Variants in LRP1B observed in about 807,000 individuals in gnomAD.
The protein encoded by LRP1B is LDL receptor related protein 1B.
LRP1B carries 217 observed loss-of-function variants against 556.6 expected under a neutral mutation model. The observed-to-expected ratio is 0.39, with a 90% CI of 0.35 to 0.44. The LOEUF (loss-of-function observed/expected upper bound fraction) is 0.44, where lower values mean the gene tolerates loss of function less well. Among genes scored for constraint, LRP1B ranks in the 20% least tolerant of loss-of-function variants. The pLI is 1.00. For missense variants in LRP1B, 5,053 were observed against 5,620.8 expected, an observed-to-expected ratio of 0.90 and a Z score of 3.23; for synonymous variants, 2,047 against 1,865.8, an observed-to-expected ratio of 1.10 and a Z score of -2.50.
chr2:140,426,003 T>C lies in LRP1B; in HGVS notation c.10414+16501A>G, dbSNP rs745782170. Among the ~76,000 whole-genome samples, 14 of 152,152 alleles carry C rather than the reference T, an allele frequency of 9.2e-5. No homozygotes were observed. The South Asian group carries it at 1.5e-3, about 16-fold the overall frequency. On this transcript the variant is annotated intron_variant, in intron 66 of 90. Transcript: ENST00000389484. ...TAATTTGTTAAATAAAGAAATTTTA[T>C]AAAAATTCAAAATCAGTTTAATTAT... is the stretch of plus-strand genomic sequence containing the variant.
At position 141,208,876 on chromosome 2, in the gene LRP1B, C is replaced by CAA. The variant is rs57659094; in HGVS notation, c.851-20295_851-20294dup. Among the ~76,000 whole-genome samples, 77 of 65,482 alleles carry CAA rather than the reference C, an allele frequency of 1.2e-3. 6 individuals are homozygous for CAA. The highest frequency in any genetic ancestry group is 1.6e-3 in the Non-Finnish European group (58 of 35,902). 43.0% of individuals were successfully genotyped at this position (65,482 alleles called of 152,430 possible). A position where few individuals can be genotyped will look rare whatever the true frequency, so the allele number is the denominator to read the frequency against. On this transcript the variant is annotated intron_variant, in intron 6 of 90. Coordinates refer to ENST00000389484, the MANE Select transcript of LRP1B (RefSeq NM_018557.3). ...AAAGCGAGATTCTGAGATTCCGTCT[C>CAA]AAAAAAAAAAAAAAAAAAAAAAAAA...
intron 16 of LRP1B, 123 bp from the exon 17 acceptor site, chr2:140,989,780 G>A (rs1367479346): frequency 1.2e-6 from 1 of 824,578 alleles, no homozygotes; most frequent in Non-Finnish European, 1.9e-6. Flanking sequence ...CATAGAGTCT[G>A]TCATTCATTG....
chr2:141,464,920 TC>T (rs931798796), intron 3 of LRP1B, among the ~76,000 whole-genome samples: 8 of 151,698 alleles, frequency 5.3e-5, no homozygotes, highest in African/African-American at 1.9e-4. Flanking sequence ...TAAAACTCCT[TC>T]AAAATAAAAC....
At chr2:141,007,896 A>G (rs1697624919) in intron 14 of LRP1B, among the ~76,000 whole-genome samples, 1 of 151,704 alleles carries the variant, frequency 6.6e-6, no homozygotes, top group African/African-American at 2.4e-5. Context: ...TGTGAATACT[A>G]CATATTAAGA....
intron 7 of LRP1B, among the ~76,000 whole-genome samples, chr2:141,078,444 G>T (rs1383253556): frequency 2.0e-5 from 3 of 152,158 alleles, no homozygotes; most frequent in Non-Finnish European, 2.9e-5. Flanking sequence ...GGCTTGCCCT[G>T]TGGCATCTAA....
intron 15 of LRP1B, among the ~76,000 whole-genome samples, chr2:141,000,667 T>C (rs1697392274): frequency 6.6e-6 from 1 of 152,092 alleles, no homozygotes; most frequent in Admixed American, 6.6e-5. Context: ...GTAACTCATC[T>C]TTCATTTTCT....
intron 1 of LRP1B, among the ~76,000 whole-genome samples, chr2:142,046,466 C>T (rs573480310): frequency 6.6e-6 from 1 of 151,914 alleles, no homozygotes; most frequent in East Asian, 2.0e-4. Context: ...GGCATCAGGC[C>T]AACAAATTAG....
At position 141,777,710 on chromosome 2, in the gene LRP1B, C is replaced by T. The variant is rs562987694; in HGVS notation, c.205+32569G>A. Among the ~76,000 whole-genome samples the T allele has an allele frequency of 4.6e-5, 7 of 152,214 alleles. No homozygotes were observed. The South Asian group carries it at 6.2e-4, about 14-fold the overall frequency. ...GATTACAGTCGTGAGCCACCGCGCC[C>T]AGCCAAAATGACTTTTAAAAACAGG... On this transcript the variant is annotated intron_variant, in intron 2 of 90. Transcript: ENST00000389484.
At chr2:141,445,423 T>C (rs1192925565) in intron 3 of LRP1B, among the ~76,000 whole-genome samples, 2 of 152,212 alleles carry the variant, frequency 1.3e-5, no homozygotes, top group African/African-American at 4.8e-5. Flanking sequence ...TCTATCTCCT[T>C]CAGTTCTGCT....
intron 35 of LRP1B, among the ~76,000 whole-genome samples, chr2:140,732,944 A>G (rs566113375): frequency 6.6e-6 from 1 of 152,276 alleles, no homozygotes; most frequent in African/African-American, 2.4e-5. Flanking sequence ...TGAAATAGCT[A>G]TCTTGAAATA....
intron 34 of LRP1B, among the ~76,000 whole-genome samples, chr2:140,770,284 A>C (rs1168520360): frequency 6.6e-6 from 1 of 151,938 alleles, no homozygotes; most frequent in Non-Finnish European, 1.5e-5. Flanking sequence ...ATACATATAT[A>C]GATATATAGA....
intron 3 of LRP1B, among the ~76,000 whole-genome samples, chr2:141,298,228 T>C (rs1686254903): frequency 6.6e-6 from 1 of 152,186 alleles, no homozygotes. Flanking sequence ...TGGAGGTGTG[T>C]AGTAAAAATG....
intron 78 of LRP1B, 124 bp downstream of exon 78, chr2:140,335,491 A>G (rs1681038323): frequency 1.5e-6 from 1 of 660,608 alleles, no homozygotes; most frequent in African/African-American, 1.8e-5. Context: ...TAGTACAAGG[A>G]TATTTAAAAG....
At chr2:141,532,250 G>C (rs889848900) in intron 2 of LRP1B, among the ~76,000 whole-genome samples, 2 of 151,566 alleles carry the variant, frequency 1.3e-5, no homozygotes, top group African/African-American at 4.8e-5. Flanking sequence ...CAAGACGTAG[G>C]TATGAGTAGG....
intron 66 of LRP1B, among the ~76,000 whole-genome samples, chr2:140,409,445 C>G (rs140795048): frequency 3.9e-4 from 59 of 151,998 alleles, no homozygotes; most frequent in African/African-American, 1.4e-3. Flanking sequence ...GTAACAAGTT[C>G]GTCCACCATT....
chr2:141,256,933 G>A (rs416307), intron 3 of LRP1B, among the ~76,000 whole-genome samples: 59,992 of 151,366 alleles, frequency 0.4, 11,892 homozygotes, highest in South Asian at 0.5. Flanking sequence ...AAAAACACCC[G>A]TAGAACCTCT....
intron 37 of LRP1B, among the ~76,000 whole-genome samples, chr2:140,709,641 G>A (rs1686964186): frequency 6.6e-6 from 1 of 151,944 alleles, no homozygotes; most frequent in African/African-American, 2.4e-5. Context: ...CAGGATTTGT[G>A]CCCACTTTTC....
intron 1 of LRP1B, among the ~76,000 whole-genome samples, chr2:142,041,441 A>G (rs1375616): frequency 0.54 from 81,125 of 151,196 alleles, 22,482 homozygotes; most frequent in East Asian, 0.69. Context: ...TACATGAAAA[A>G]CATTTTTAAA....
chr2:140,287,406 C>G (rs569339659), intron 84 of LRP1B, among the ~76,000 whole-genome samples: 1 of 151,746 alleles, frequency 6.6e-6, no homozygotes, highest in East Asian at 2.0e-4. Flanking sequence ...ATCGAGAAAT[C>G]AGTTAAATCA....
Sources: allele counts gnomAD v4.1 joint callset (sites outside exome capture counted in the v4.1 genomes callset), GRCh38; gene constraint gnomAD v4.1.1; transcripts MANE v1.5; gene names NCBI Gene and HGNC (gene_info 2026-07-23, HGNC 2026-07-21).